TIAM1: variants seen among roughly 807,000 people sequenced by gnomAD.
TIAM1 encodes the protein rho guanine nucleotide exchange factor TIAM1.
Under a neutral mutation model 163.5 loss-of-function variants are expected in TIAM1, and 65 were observed. The ratio of observed to expected loss-of-function variants is 0.40; its 90% CI spans 0.33 to 0.49. TIAM1 has a LOEUF of 0.49. TIAM1 is among the 20% of genes least tolerant of loss of function. TIAM1 has a pLI of 0.77. For missense variants in TIAM1, 1,789 were observed against 2,044.7 expected (o/e 0.87, Z 2.41); for synonymous variants, 833 against 810.1 (o/e 1.03, Z -0.48).
chr21:31,343,959 G>A (rs546170238), intron 1 of TIAM1, among the ~76,000 whole-genome samples, 179 bp downstream of exon 1: 54 of 152,328 alleles, frequency 3.5e-4, no homozygotes, highest in African/African-American at 1.3e-3. Context: ...GCAGCTTGGA[G>A]ACGCGCTTGC....
intron 16 of TIAM1, chr21:31,160,711 A>G (rs1226885023): frequency 5.2e-6 from 2 of 388,236 alleles, no homozygotes; most frequent in Non-Finnish European, 4.5e-6. Context: ...GTCTCAACGC[A>G]GCAAGGACAG....
intron 8 of TIAM1, among the ~76,000 whole-genome samples, chr21:31,222,323 T>C (rs1046853907): frequency 2.6e-5 from 4 of 152,122 alleles, no homozygotes; most frequent in Non-Finnish European, 5.9e-5. Context: ...GGGTGTCGAC[T>C]TGGAAAGACT....
At chr21:31,185,403 TATA>T (rs1376039346) in intron 14 of TIAM1, among the ~76,000 whole-genome samples, 3 of 138,338 alleles carry the variant, frequency 2.2e-5, no homozygotes, top group Non-Finnish European at 4.5e-5. Flanking sequence ...AATTATGCTA[TATA>T]ATTATATATA....
intron 27 of TIAM1, among the ~76,000 whole-genome samples, chr21:31,121,510 G>C (rs966559935): frequency 5.9e-5 from 9 of 152,146 alleles, no homozygotes; most frequent in African/African-American, 2.2e-4. Flanking sequence ...AAAGACATGG[G>C]ATCTTCAGTT....
Position 31,193,822 on chromosome 21 carries a change from G to C in TIAM1, c.2575+1402C>G, listed in dbSNP as rs532617677. On this transcript the variant is annotated intron_variant, in intron 13 of 27. Transcript: ENST00000541036. Reference sequence around the variant, plus strand: ...GTGTGAATCGGGAAAAGCTAGCTGGGACTAAGCATGTTCAAAATGGCGGCT... The same window carrying C: ...GTGTGAATCGGGAAAAGCTAGCTGGCACTAAGCATGTTCAAAATGGCGGCT... Among the ~76,000 whole-genome samples, 25 of 152,296 alleles carry C rather than the reference G, an allele frequency of 1.6e-4. 1 individual carries two copies. The highest frequency in any genetic ancestry group is 5.3e-4 in the African/African-American group (22 of 41,568).
intron 2 of TIAM1, among the ~76,000 whole-genome samples, chr21:31,297,941 G>A (rs760174765): frequency 3.9e-5 from 6 of 152,152 alleles, no homozygotes; most frequent in Non-Finnish European, 8.8e-5. Context: ...ATATATTATG[G>A]CAATAAAAAC....
intron 1 of TIAM1, among the ~76,000 whole-genome samples, chr21:31,536,680 G>A (rs1167731939): frequency 6.6e-6 from 1 of 152,230 alleles, no homozygotes; most frequent in Non-Finnish European, 1.5e-5. Flanking sequence ...GGTGAGCAAG[G>A]AGTGAGGAGA....
chr21:31,365,389 T>TTC lies in TIAM1; in HGVS notation c.-368-25968_-368-25967insGA, dbSNP rs71311076. Reference sequence around the variant, plus strand: ...GTCTGTGTCTCACTTATTTCTTTCTTTTTTTTTTTTTTTTTTTGAGAGGGA... The same window carrying TTC: ...GTCTGTGTCTCACTTATTTCTTTCTTTCTTTTTTTTTTTTTTTTTGAGAGGGA... On this transcript the variant is annotated intron_variant, in intron 2 of 28. Transcript: ENST00000286827. Among the ~76,000 whole-genome samples the TTC allele has an allele frequency of 9.2e-5, 13 of 140,874 alleles. No homozygotes were observed. In the East Asian group the frequency reaches 1.7e-3, roughly 18 times the overall value. 92.4% of individuals were successfully genotyped at this position (140,874 alleles called of 152,430 possible).
intron 16 of TIAM1, among the ~76,000 whole-genome samples, chr21:31,163,839 T>G (rs1382647393): frequency 6.6e-6 from 1 of 152,230 alleles, no homozygotes; most frequent in Non-Finnish European, 1.5e-5. Context: ...TTATGTGATT[T>G]GCTTAGGTTA....
intron 6 of TIAM1, among the ~76,000 whole-genome samples, chr21:31,237,434 C>T (rs2070951594): frequency 6.6e-6 from 1 of 152,174 alleles, no homozygotes; most frequent in African/African-American, 2.4e-5. Flanking sequence ...TGAAGCCACA[C>T]TTAATTTTTG....
intron 13 of TIAM1, among the ~76,000 whole-genome samples, chr21:31,192,884 G>A (rs780181323): frequency 1.6e-4 from 24 of 152,124 alleles, no homozygotes; most frequent in Non-Finnish European, 1.2e-4. Flanking sequence ...ACCTGGGTGT[G>A]GAATGAGGAC....
chr21:31,371,573 C>A (rs1412542704), intron 2 of TIAM1, among the ~76,000 whole-genome samples: 1 of 152,178 alleles, frequency 6.6e-6, no homozygotes, highest in African/African-American at 2.4e-5. Context: ...GATTATGGAA[C>A]AAGAGCAACG....
At chr21:31,296,703 A>G (rs1407288800) in intron 2 of TIAM1, among the ~76,000 whole-genome samples, 5 of 151,614 alleles carry the variant, frequency 3.3e-5, no homozygotes, top group Admixed American at 6.6e-5. Flanking sequence ...TCGCTCTGTC[A>G]CCCAGGCTGG....
At chr21:31,453,440 G>A (rs1438360981) in intron 2 of TIAM1, among the ~76,000 whole-genome samples, 3 of 152,046 alleles carry the variant, frequency 2.0e-5, no homozygotes, top group African/African-American at 7.2e-5. Flanking sequence ...GGTGGCTCAC[G>A]TCTGTAATCC....
chr21:31,349,149 T>C (rs2076195314), upstream of TIAM1, among the ~76,000 whole-genome samples: 1 of 152,216 alleles, frequency 6.6e-6, no homozygotes, highest in Non-Finnish European at 1.5e-5. Context: ...TAAGTTTCCA[T>C]GATTTTAAAG....
chr21:31,309,334 T>C (rs1235215416), intron 2 of TIAM1, among the ~76,000 whole-genome samples: 2 of 152,136 alleles, frequency 1.3e-5, no homozygotes, highest in Non-Finnish European at 2.9e-5. Context: ...GGCATGCACC[T>C]GTAATCTCAG....
chr21:31,404,546 T>C (rs2077216813), intron 2 of TIAM1, among the ~76,000 whole-genome samples: 1 of 152,058 alleles, frequency 6.6e-6, no homozygotes, highest in African/African-American at 2.4e-5. Flanking sequence ...CTTTTTTTTT[T>C]TTTTTAAGAG....
intron 1 of TIAM1, among the ~76,000 whole-genome samples, chr21:31,535,113 T>C (rs975664176): frequency 6.9e-6 from 1 of 145,540 alleles, no homozygotes; most frequent in African/African-American, 2.6e-5. Flanking sequence ...CTGAGCGCAG[T>C]GGCTCACGCC....
At chr21:31,238,491 T>C (rs572110267) in intron 6 of TIAM1, among the ~76,000 whole-genome samples, 2 of 152,188 alleles carry the variant, frequency 1.3e-5, no homozygotes, top group Non-Finnish European at 2.9e-5. Flanking sequence ...TACATTCTAC[T>C]AGCAATTTTA....
Sources: gnomAD v4.1 joint callset for allele counts (sites outside exome capture counted in the v4.1 genomes callset) on GRCh38, gnomAD v4.1.1 for gene constraint, MANE v1.5 for transcripts, NCBI Gene and HGNC (gene_info 2026-07-23, HGNC 2026-07-21) for gene names.